The following OSER1 variants were observed in gnomAD, a reference collection of about 807,000 sequenced individuals.
OSER1 encodes oxidative stress-responsive serine-rich protein 1.
In OSER1, 15 loss-of-function variants were observed where a neutral mutation model predicts 26.3. The ratio of observed to expected loss-of-function variants is 0.57; its 90% CI spans 0.38 to 0.88. OSER1 has a LOEUF of 0.88. Ranked by LOEUF, OSER1 falls within the 40% of genes least tolerant of loss-of-function variation. The pLI is 0.00. For synonymous variants in OSER1, 127 were observed against 128.2 expected, an observed-to-expected ratio of 0.99 and a Z score of 0.07; for missense variants, 313 against 353.9, an observed-to-expected ratio of 0.88 and a Z score of 0.93.
chr20:44,197,840 A>G, intron 3 of OSER1, 101 bp from the exon 4 acceptor site: 1 of 699,758 alleles, frequency 1.4e-6, no homozygotes, highest in East Asian at 2.7e-5. Flanking sequence ...CAGCTTTATG[A>G]GTCTAAGCTC....
rs2232287 is a variant in OSER1, at chr20:44,202,910, C to T, written c.191+51G>A. ...TTCTGGACACTCAGAAAGGAAAATC[C>T]AATACTATTATAATATTGGAATAAA... On this transcript the variant is annotated intron_variant, in intron 3 of 3. Transcript: ENST00000255174. The T allele has an allele frequency of 9.1e-3, 9,669 of 1,065,466 alleles. 117 individuals carry two copies. Among genetic ancestry groups the T allele is most frequent in the East Asian group, 0.05 (2,100 of 41,782 alleles). 66.0% of individuals were successfully genotyped at this position (1,065,466 alleles called of 1,614,324 possible).
In OSER1 at chr20:44,206,943, G is replaced by C. The variant is rs762498187; in HGVS notation, c.15C>G (p.Ala5=). MKSE[A]KDGEEESLQT... ...GTAGACTCTCCTCCTCTCCATCCTT[G>C]GCTTCGGATTTCATTGTGCAAGTTT... is the stretch of plus-strand genomic sequence containing the variant. Residue 5 remains alanine, a synonymous_variant, in exon 2 of 4, where the codon GCC becomes GCG. Coordinates refer to ENST00000255174, the MANE Select transcript of OSER1 (RefSeq NM_016470.8). 1 of 1,607,460 alleles carries C rather than the reference G, an allele frequency of 6.2e-7. No homozygotes were observed. The highest frequency in any genetic ancestry group is 1.1e-5 in the South Asian group (1 of 90,740).
At position 44,196,983 on chromosome 20, in the gene OSER1, G is replaced by C. The variant is rs1396383308; in HGVS notation, c.*69C>G. 1 of 1,122,556 alleles carries C rather than the reference G, an allele frequency of 8.9e-7. No homozygotes were observed. The highest frequency in any genetic ancestry group is 1.3e-6 in the Non-Finnish European group (1 of 757,218). 69.5% of individuals were successfully genotyped at this position (1,122,556 alleles called of 1,614,324 possible). ...TCTTCTCACACAAAGTGGCCACAAG[G>C]TCTGCCATTAACTAAATCTCTTTGA... is the stretch of plus-strand genomic sequence containing the variant. On this transcript the variant is annotated 3_prime_UTR_variant, in exon 4 of 4. Transcript: ENST00000255174.
intron 3 of OSER1, 70 bp from the exon 4 acceptor site, chr20:44,197,809 AG>A (rs1395690785): frequency 2.9e-6 from 3 of 1,037,922 alleles, no homozygotes; most frequent in Non-Finnish European, 2.8e-6. Flanking sequence ...TCTTTATGAC[AG>A]TAGGAAATTT....
rs185819592 is a variant in OSER1, at chr20:44,197,769, T to C, written c.192-30A>G. On this transcript the variant is annotated intron_variant, in intron 3 of 3. Coordinates refer to ENST00000255174, the MANE Select transcript of OSER1 (RefSeq NM_016470.8). ...AGAGGAAAAAAAATATACAAGAAGA[T>C]GTTGGGATATGGAGCTGTCCTAAAC... 476 of 1,448,844 alleles carry C rather than the reference T, an allele frequency of 3.3e-4. 1 individual carries two copies. Among genetic ancestry groups the C allele is most frequent in the Non-Finnish European group, 4.4e-4 (454 of 1,040,728 alleles). The allele number at this position is 1,448,844 out of a possible 1,614,324, so 89.7% of individuals were successfully genotyped here.
At chr20:44,198,160 C>T (rs2072941779) in intron 3 of OSER1, among the ~76,000 whole-genome samples, 1 of 152,120 alleles carries the variant, frequency 6.6e-6, no homozygotes, top group Non-Finnish European at 1.5e-5. Context: ...GTGAGGCTAA[C>T]GTTACAAATG....
chr20:44,203,246 A>G (rs2073001573), intron 2 of OSER1, among the ~76,000 whole-genome samples, 172 bp from the exon 3 acceptor site: 1 of 151,868 alleles, frequency 6.6e-6, no homozygotes, highest in East Asian at 1.9e-4. Context: ...AATCTAGAGT[A>G]TCCCTAAAAG....
Position 44,197,670 on chromosome 20 carries a change from A to C in OSER1, c.261T>G (p.Leu87=). 1 of 1,614,022 alleles carries C rather than the reference A, an allele frequency of 6.2e-7. No individual in the cohort carries two copies. Among genetic ancestry groups the C allele is most frequent in the Admixed American group, 1.7e-5 (1 of 60,024 alleles). ...QRRRRSKSPV[L]HPPKFIHCST... is the part of the protein sequence containing the mutation. ...TGCAATGTATAAACTTTGGAGGATG[A>C]AGGACAGGAGACTTAGAACGTCGAC... Residue 87 remains leucine, a synonymous_variant, in exon 4 of 4, where the codon CTT becomes CTG. Coordinates refer to ENST00000255174, the MANE Select transcript of OSER1 (RefSeq NM_016470.8).
Position 44,196,881 on chromosome 20 carries a change from A to G in OSER1, c.*171T>C. The G allele has an allele frequency of 1.7e-6, 1 of 584,318 alleles. No homozygotes were observed. Among genetic ancestry groups the G allele is most frequent in the East Asian group, 2.8e-5 (1 of 35,840 alleles). 36.2% of individuals were successfully genotyped at this position (584,318 alleles called of 1,614,324 possible). A position where few individuals can be genotyped will look rare whatever the true frequency, so the allele number is the denominator to read the frequency against. ...TGAAGTGTATGTAAGAACTCAAGAG[A>G]GTAAGTTGAAAGAATGAAGATTAAC... On this transcript the variant is annotated 3_prime_UTR_variant, in exon 4 of 4. Transcript: ENST00000255174.
intron 1 of OSER1, among the ~76,000 whole-genome samples, chr20:44,208,422 T>TA (rs3037689): frequency 0.21 from 27,338 of 131,330 alleles, 2,711 homozygotes; most frequent in South Asian, 0.29. Flanking sequence ...ATTCAGCTAC[T>TA]AAAAAAAAAA....
chr20:44,200,399 C>T (rs1236246189), intron 3 of OSER1, among the ~76,000 whole-genome samples: 3 of 152,182 alleles, frequency 2.0e-5, no homozygotes, highest in South Asian at 2.1e-4. Flanking sequence ...CCAGCCAGGA[C>T]GGCCAACCCC....
rs775939935 is a variant in OSER1 at position 44,206,925 on chromosome 20, C to G, written c.33G>C (p.Glu11Asp). MKSEAKDGEEESLQTAFKKLR... is the reference protein window; with the variant it reads MKSEAKDGEEDSLQTAFKKLR... ...ATTTTTTGAAAGCAGTCTGTAGACT[C>G]TCCTCCTCTCCATCCTTGGCTTCGG... Residue 11 changes from glutamate (E) to aspartate (D), a missense_variant, in exon 2 of 4, where the codon GAG (glutamate) becomes GAC (aspartate). Glu to Asp is a conservative substitution (Grantham distance 45). Coordinates refer to ENST00000255174, the MANE Select transcript of OSER1 (RefSeq NM_016470.8). The G allele has an allele frequency of 6.3e-7, 1 of 1,599,890 alleles. No individual in the cohort carries two copies. The highest frequency in any genetic ancestry group is 1.1e-5 in the South Asian group (1 of 90,694).
At chr20:44,203,974 A>G (rs150244382) in intron 2 of OSER1, among the ~76,000 whole-genome samples, 1 of 152,368 alleles carries the variant, frequency 6.6e-6, no homozygotes, top group East Asian at 1.9e-4. Context: ...GGGAATGCTT[A>G]TAAGGAGAAA....
At position 44,197,309 on chromosome 20, in the gene OSER1, T is replaced by G; in HGVS notation, c.622A>C (p.Arg208=). Residue 208 remains arginine, a synonymous_variant, in exon 4 of 4, where the codon AGA becomes CGA. Coordinates refer to ENST00000255174, the MANE Select transcript of OSER1 (RefSeq NM_016470.8). ...GAATACACTTCCATATCATGCCATC[T>G]CTTACACTGGCATTCCTTGCCTATG... ...TCIGKECQCK[R]WHDMEVYSFS... The G allele has an allele frequency of 6.2e-7, 1 of 1,614,032 alleles. No homozygotes were observed. The highest frequency in any genetic ancestry group is 1.3e-5 in the African/African-American group (1 of 75,066).
chr20:44,200,044 G>C (rs889595421), intron 3 of OSER1, among the ~76,000 whole-genome samples: 1 of 152,234 alleles, frequency 6.6e-6, no homozygotes, highest in African/African-American at 2.4e-5. Flanking sequence ...GTGAGCCACA[G>C]ACCAGGCTAG....
At position 44,197,500 on chromosome 20, in the gene OSER1, C is replaced by G. The variant is rs780328663; in HGVS notation, c.431G>C (p.Gly144Ala). 18 of 1,614,130 alleles carry G rather than the reference C, an allele frequency of 1.1e-5. No individual in the cohort carries two copies. The highest frequency in any genetic ancestry group is 1.3e-5 in the African/African-American group (1 of 75,032). ...SSTSLDANHTGAVVEPLRTSV... is the reference protein window; with the variant it reads ...SSTSLDANHTAAVVEPLRTSV... Reference sequence around the variant, plus strand: ...AGTTCTCAAAGGCTCAACGACTGCCCCTGTGTGATTAGCATCGAGAGAAGT... The same window carrying G: ...AGTTCTCAAAGGCTCAACGACTGCCGCTGTGTGATTAGCATCGAGAGAAGT... The change falls in exon 4 of 4, where the codon GGG (glycine) becomes GCG (alanine). Residue 144 changes from glycine (G) to alanine (A), a missense_variant. This residue lies in a region of OSER1 where 300 missense variants were observed against 318.3 expected (regional missense o/e 0.94). Transcript: ENST00000255174.
chr20:44,197,891 GCTGC>G lies in OSER1; in HGVS notation c.192-156_192-153del, dbSNP rs770839051. The stretch of plus-strand genomic sequence containing the variant: ...GAGATGCACCTTCCTCCATTTTCAT[GCTGC>G]CTAAGTCTTTGTGTCTCAACAACTT... On this transcript the variant is annotated intron_variant, in intron 3 of 3. Transcript: ENST00000255174. 4.3e-4 allele frequency: 256 copies of G among 599,948 alleles called. 1 individual carries two copies. The highest frequency in any genetic ancestry group is 6.3e-4 in the Non-Finnish European group (215 of 340,308). The allele number at this position is 599,948 out of a possible 1,614,324, so 37.2% of individuals were successfully genotyped here.
At chr20:44,207,850 C>T (rs1448004436) in intron 1 of OSER1, among the ~76,000 whole-genome samples, 1 of 152,102 alleles carries the variant, frequency 6.6e-6, no homozygotes, top group East Asian at 1.9e-4. Context: ...TATATTTAAA[C>T]AGAGAAAGGT....
intron 1 of OSER1, among the ~76,000 whole-genome samples, chr20:44,210,348 G>T (rs1569245614): frequency 6.6e-6 from 1 of 152,250 alleles, no homozygotes; most frequent in African/African-American, 2.4e-5. Context: ...AGAGAATGGG[G>T]CTCCGAGGCG....
Sources: allele counts gnomAD v4.1 joint callset (sites outside exome capture counted in the v4.1 genomes callset), GRCh38; gene constraint gnomAD v4.1.1; regional missense constraint gnomAD v4.1.1; transcripts MANE v1.5; gene names NCBI Gene and HGNC (gene_info 2026-07-23, HGNC 2026-07-21).